NKAIN4: variants seen among roughly 807,000 people sequenced by gnomAD.
The protein encoded by NKAIN4 is sodium/potassium-transporting ATPase subunit beta-1-interacting protein 4.
A neutral mutation model predicts 28.8 loss-of-function variants in NKAIN4; 28 were observed. That is an observed-to-expected ratio of 0.97 (90% CI 0.72 to 1.33). The LOEUF (loss-of-function observed/expected upper bound fraction) is 1.33. NKAIN4 is among the 40% of genes most tolerant of loss of function. The pLI is 0.00. For synonymous variants in NKAIN4, 122 were observed against 115.6 expected (o/e 1.06, Z -0.36); for missense variants, 289 against 277.2 (o/e 1.04, Z -0.30).
chr20:63,244,632 C>T lies in NKAIN4; in HGVS notation c.472-548G>A, dbSNP rs1372379146. ...TCCGGGCAGAGTTGGGGGCTGGCTG[C>T]TGCCTTTGGGGCAGGGGTCAGGCAG... On this transcript the variant is annotated intron_variant, in intron 4 of 6. Coordinates refer to ENST00000370316, the MANE Select transcript of NKAIN4 (RefSeq NM_152864.4). 10 of 443,906 alleles carry T rather than the reference C, an allele frequency of 2.3e-5. No individual in the cohort carries two copies. In the East Asian group the frequency reaches 7.1e-4, roughly 32 times the overall value. The allele number at this position is 443,906 out of a possible 1,614,324, so 27.5% of individuals were successfully genotyped here.
chr20:63,253,576 G>A, intron 1 of NKAIN4: 4 of 927,642 alleles, frequency 4.3e-6, no homozygotes, highest in Non-Finnish European at 5.1e-6. Flanking sequence ...GGGAGACCCA[G>A]GGCCAATTAG....
In NKAIN4 at chr20:63,248,439, G is replaced by C. The variant is rs112526243; in HGVS notation, c.273+376C>G. On this transcript the variant is annotated intron_variant, in intron 3 of 6. Coordinates refer to ENST00000370316, the MANE Select transcript of NKAIN4 (RefSeq NM_152864.4). ...TTCCCTGCATTGCAGGAGGCACGAG[G>C]CTTTACCAGCCTGGAGGGTTGGTCG... 4.2e-3 allele frequency: 876 copies of C among 209,822 alleles called. 8 individuals carry two copies. The highest frequency in any genetic ancestry group is 0.019 in the African/African-American group (840 of 43,862). 13.0% of individuals were successfully genotyped at this position (209,822 alleles called of 1,614,324 possible). A position where few individuals can be genotyped will look rare whatever the true frequency, so the allele number is the denominator to read the frequency against.
At chr20:63,254,491 C>T (rs1225710982), upstream of NKAIN4, 8 of 1,272,608 alleles carry the variant, frequency 6.3e-6, no homozygotes, top group Non-Finnish European at 8.0e-6. Flanking sequence ...GCCCCGCGCT[C>T]GGCCCCCGCC....
intron 4 of NKAIN4, among the ~76,000 whole-genome samples, chr20:63,246,345 G>A (rs912445128): frequency 2.6e-5 from 4 of 152,228 alleles, no homozygotes; most frequent in Non-Finnish European, 4.4e-5. Context: ...ACATTTTGGG[G>A]GCAATTGGGG....
rs1434987942 is a variant in NKAIN4 at position 63,241,053 on chromosome 20, G to A, written c.*444C>T. The A allele has an allele frequency of 2.2e-5, 4 of 184,064 alleles. No individual in the cohort carries two copies. Among genetic ancestry groups the A allele is most frequent in the Admixed American group, 5.5e-5 (1 of 18,148 alleles). The allele number at this position is 184,064 out of a possible 1,614,324, so 11.4% of individuals were successfully genotyped here. The stretch of plus-strand genomic sequence containing the variant: ...TCCATGTTCAACAGGGGCCCTCACC[G>A]CTTGAGGGGTCTCGGGCCTCACATT... On this transcript the variant is annotated 3_prime_UTR_variant, in exon 7 of 7. Coordinates refer to ENST00000370316, the MANE Select transcript of NKAIN4 (RefSeq NM_152864.4).
At position 63,245,793 on chromosome 20, in the gene NKAIN4, C is replaced by G. The variant is rs2066844622; in HGVS notation, c.472-1709G>C. Among the ~76,000 whole-genome samples, 1 of 152,126 alleles carries G rather than the reference C, an allele frequency of 6.6e-6. No individual in the cohort carries two copies. Among genetic ancestry groups the G allele is most frequent in the African/African-American group, 2.4e-5 (1 of 41,416 alleles). On this transcript the variant is annotated intron_variant, in intron 4 of 6. Transcript: ENST00000370316. This position sits in a 1 kb window ranked among gnomAD's most constrained non-coding sequence, Gnocchi z 4.7. ...GAAACTACATCCTATCAAAGAAATT[C>G]CCATCCCTGGGAGTCAGGATAAAAG...
Position 63,252,637 on chromosome 20 carries a change from G to A in NKAIN4, c.54+1760C>T, listed in dbSNP as rs2066981377. On this transcript the variant is annotated intron_variant, in intron 1 of 6. Coordinates refer to ENST00000370316, the MANE Select transcript of NKAIN4 (RefSeq NM_152864.4). This position sits in a 1 kb window ranked among gnomAD's most constrained non-coding sequence, Gnocchi z 4.6. ...AGGCCTTTGACAGCTCCCTGCTGCG[G>A]TTCAGCAGTGACCCAGAGGCTGGCC... Among the ~76,000 whole-genome samples the A allele has an allele frequency of 1.3e-5, 2 of 152,156 alleles. No individual in the cohort carries two copies. Among genetic ancestry groups the A allele is most frequent in the Non-Finnish European group, 2.9e-5 (2 of 68,030 alleles).
At chr20:63,249,636 G>A (rs2066921345) in intron 2 of NKAIN4, among the ~76,000 whole-genome samples, 1 of 152,174 alleles carries the variant, frequency 6.6e-6, no homozygotes, top group African/African-American at 2.4e-5. Context: ...TGTAAAGCAG[G>A]GATCGTGGCA....
intron 3 of NKAIN4, 140 bp from the exon 4 acceptor site, chr20:63,247,915 C>A: frequency 8.2e-7 from 1 of 1,226,916 alleles, no homozygotes. Context: ...CACTGCACCC[C>A]GCCCCCAGGG....
In NKAIN4 at chr20:63,246,973, A is replaced by G. The variant is rs932238462; in HGVS notation, c.471+605T>C. On this transcript the variant is annotated intron_variant, in intron 4 of 6. Transcript: ENST00000370316. ...GCCCCTGTTCTCTACCAACCCGTGC[A>G]GGGCCGGAGAGGACGGCAGAGTCCC... 19 of 993,022 alleles carry G rather than the reference A, an allele frequency of 1.9e-5. No homozygotes were observed. In the East Asian group the frequency reaches 1.7e-3, roughly 88 times the overall value. 61.5% of individuals were successfully genotyped at this position (993,022 alleles called of 1,614,324 possible).
chr20:63,241,149 C>G lies in NKAIN4; in HGVS notation c.*348G>C, dbSNP rs1464443640. On this transcript the variant is annotated 3_prime_UTR_variant, in exon 7 of 7. Coordinates refer to ENST00000370316, the MANE Select transcript of NKAIN4 (RefSeq NM_152864.4). ...AGGGTCCAGCAGCCCCAGGTGGGCA[C>G]CTGAGGGAGGGGCTCCTCGACGAGA... 2 of 317,316 alleles carry G rather than the reference C, an allele frequency of 6.3e-6. No homozygotes were observed. The highest frequency in any genetic ancestry group is 3.3e-5 in the South Asian group (1 of 30,328). 19.7% of individuals were successfully genotyped at this position (317,316 alleles called of 1,614,324 possible).
At chr20:63,253,491 G>A (rs899950275) in intron 1 of NKAIN4, 2 of 985,456 alleles carry the variant, frequency 2.0e-6, no homozygotes, top group African/African-American at 1.7e-5. Context: ...GGCCCTTCTA[G>A]CTTCAAGAGG....
chr20:63,244,770 G>A (rs560785496), intron 4 of NKAIN4, among the ~76,000 whole-genome samples: 17 of 152,116 alleles, frequency 1.1e-4, no homozygotes, highest in Admixed American at 6.5e-4. Context: ...TCTGGCAAAG[G>A]GGGGGCAGTG....
intron 1 of NKAIN4, among the ~76,000 whole-genome samples, chr20:63,251,558 C>T (rs1034127517): frequency 6.6e-6 from 1 of 152,234 alleles, no homozygotes; most frequent in Non-Finnish European, 1.5e-5. Flanking sequence ...GACCAAGGAG[C>T]CCTCTGGTGG....
In NKAIN4 at chr20:63,247,411, C is replaced by A. The variant is rs780877233; in HGVS notation, c.471+167G>T. 3.7e-4 allele frequency: 567 copies of A among 1,535,810 alleles called. 4 individuals carry two copies. In the Middle Eastern group the frequency reaches 5.5e-3, roughly 15 times the overall value. ...GCACTGAGGTGCCAGCCACATGGGA[C>A]CCACCCGTGATACCTTAACCTCTCC... is the stretch of plus-strand genomic sequence containing the variant. On this transcript the variant is annotated intron_variant, in intron 4 of 6. Coordinates refer to ENST00000370316, the MANE Select transcript of NKAIN4 (RefSeq NM_152864.4).
chr20:63,253,144 G>T, intron 1 of NKAIN4: 1 of 931,828 alleles, frequency 1.1e-6, no homozygotes, highest in Non-Finnish European at 1.3e-6. Context: ...GCCCACCCTT[G>T]CTCTCCCCAT....
chr20:63,243,745 A>T (rs2066804399), intron 5 of NKAIN4: 1 of 327,150 alleles, frequency 3.1e-6, no homozygotes, highest in Middle Eastern at 8.7e-4. Context: ...TCCCGTGGCC[A>T]CTGCGGGGAT....
chr20:63,241,848 G>A, intron 6 of NKAIN4: 1 of 447,446 alleles, frequency 2.2e-6, no homozygotes, highest in Non-Finnish European at 4.3e-6. Context: ...TTATTCCCCT[G>A]TTCTCTGACA....
chr20:63,253,614 T>G (rs1014233791), intron 1 of NKAIN4: 9 of 711,002 alleles, frequency 1.3e-5, no homozygotes, highest in Non-Finnish European at 1.6e-5. Context: ...TTCCCCAGCC[T>G]GGACAGGCGA....
Sources: gnomAD v4.1 joint callset for allele counts (sites outside exome capture counted in the v4.1 genomes callset) on GRCh38, gnomAD v4.1.1 for gene constraint, Gnocchi (gnomAD v3.1) non-coding constraint, MANE v1.5 for transcripts, NCBI Gene and HGNC (gene_info 2026-07-23, HGNC 2026-07-21) for gene names.